Variants in ST8SIA2 observed in about 807,000 individuals in gnomAD.
ST8SIA2 encodes ST8 alpha-N-acetyl-neuraminide alpha-2,8-sialyltransferase 2, also known as alpha-2,8-sialyltransferase 8B.
Under a neutral mutation model 37.6 loss-of-function variants are expected in ST8SIA2, and 22 were observed. That is an observed-to-expected ratio of 0.58 (90% CI 0.42 to 0.83). ST8SIA2 has a LOEUF of 0.83. Ranked by LOEUF, ST8SIA2 falls within the 40% of genes least tolerant of loss-of-function variation. The pLI is 0.00. For missense variants in ST8SIA2, 382 were observed against 484.7 expected, an observed-to-expected ratio of 0.79 and a Z score of 1.99; for synonymous variants, 205 against 201.2, an observed-to-expected ratio of 1.02 and a Z score of -0.16.
intron 1 of ST8SIA2, among the ~76,000 whole-genome samples, chr15:92,404,166 A>G (rs907260677): frequency 2.6e-5 from 4 of 152,182 alleles, no homozygotes; most frequent in African/African-American, 7.2e-5. Context: ...GTTTATCTGT[A>G]AGGACTGACA....
At chr15:92,407,460 C>T (rs1278792853) in intron 1 of ST8SIA2, among the ~76,000 whole-genome samples, 1 of 152,218 alleles carries the variant, frequency 6.6e-6, no homozygotes, top group Admixed American at 6.5e-5. Context: ...CAGCAAAGCG[C>T]TCATCAGCTG....
At chr15:92,420,475 T>C (rs2049625067) in intron 1 of ST8SIA2, among the ~76,000 whole-genome samples, 1 of 152,126 alleles carries the variant, frequency 6.6e-6, no homozygotes, top group African/African-American at 2.4e-5. Flanking sequence ...TGGAACATAA[T>C]GAAAGCCCAA....
chr15:92,406,023 GT>G (rs1229306134), intron 1 of ST8SIA2, among the ~76,000 whole-genome samples: 2 of 152,204 alleles, frequency 1.3e-5, no homozygotes, highest in Non-Finnish European at 2.9e-5. Context: ...CCTCTAAACT[GT>G]TTCTGGCTCA....
chr15:92,430,409 T>A (rs1481525363), intron 2 of ST8SIA2, among the ~76,000 whole-genome samples: 4 of 152,222 alleles, frequency 2.6e-5, no homozygotes, highest in African/African-American at 7.2e-5. Flanking sequence ...CAAACTTGCA[T>A]GTTTGCTGAG....
chr15:92,455,603 A>G (rs1567224712), intron 5 of ST8SIA2, among the ~76,000 whole-genome samples: 1 of 152,020 alleles, frequency 6.6e-6, no homozygotes, highest in Non-Finnish European at 1.5e-5. Context: ...GACACACACC[A>G]CCTCATTCTC....
intron 1 of ST8SIA2, among the ~76,000 whole-genome samples, chr15:92,402,335 C>G (rs2049477767): frequency 6.6e-6 from 1 of 152,206 alleles, no homozygotes; most frequent in Non-Finnish European, 1.5e-5. Context: ...TAGCTGTATT[C>G]ACACCTGTAA....
chr15:92,432,957 C>G (rs890743000), intron 2 of ST8SIA2, among the ~76,000 whole-genome samples: 1 of 152,040 alleles, frequency 6.6e-6, no homozygotes, highest in African/African-American at 2.4e-5. Flanking sequence ...CGGGCGAAAC[C>G]CCATCTTTAC....
chr15:92,417,165 G>T (rs2049593062), intron 1 of ST8SIA2, among the ~76,000 whole-genome samples: 1 of 152,156 alleles, frequency 6.6e-6, no homozygotes, highest in Non-Finnish European at 1.5e-5. Flanking sequence ...ACTGAGAGAG[G>T]TCTAGGGCTG....
intron 4 of ST8SIA2, among the ~76,000 whole-genome samples, chr15:92,442,733 G>C (rs915193202): frequency 2.6e-5 from 4 of 152,200 alleles, no homozygotes; most frequent in Non-Finnish European, 5.9e-5. Flanking sequence ...AAGGTGAATT[G>C]ACCCAGGGCA....
At chr15:92,429,625 GGAC>G (rs1337073665) in intron 1 of ST8SIA2, among the ~76,000 whole-genome samples, 5 of 152,220 alleles carry the variant, frequency 3.3e-5, no homozygotes, top group Non-Finnish European at 7.3e-5. Flanking sequence ...AGAATGCAAT[GGAC>G]AACAGCTCAC....
At chr15:92,443,683 T>G (rs1280578926) in intron 4 of ST8SIA2, among the ~76,000 whole-genome samples, 1 of 152,026 alleles carries the variant, frequency 6.6e-6, no homozygotes, top group African/African-American at 2.4e-5. Flanking sequence ...CACAATATGC[T>G]CCAGTCGGAC....
chr15:92,397,199 GAAGA>G (rs898074073), intron 1 of ST8SIA2, among the ~76,000 whole-genome samples: 6 of 152,190 alleles, frequency 3.9e-5, no homozygotes, highest in African/African-American at 1.4e-4. Flanking sequence ...AAAAGTGAAA[GAAGA>G]AAGTGAATTA....
rs143205743 is a variant in ST8SIA2, at chr15:92,413,534, C to G, written c.99-16515C>G. Among the ~76,000 whole-genome samples the G allele has an allele frequency of 5.1e-3, 778 of 152,292 alleles. 8 individuals carry two copies. The highest frequency in any genetic ancestry group is 0.018 in the African/African-American group (729 of 41,560). ...GGAAGCCATGTCCCATTTCCCTCCT[C>G]CTCCCGGCCAGTGGGTGGGTAGTTT... On this transcript the variant is annotated intron_variant, in intron 1 of 5. Coordinates refer to ENST00000268164, the MANE Select transcript of ST8SIA2 (RefSeq NM_006011.4).
chr15:92,437,823 T>C (rs942421404), intron 3 of ST8SIA2, among the ~76,000 whole-genome samples: 8 of 152,188 alleles, frequency 5.3e-5, no homozygotes, highest in Admixed American at 5.2e-4. Flanking sequence ...TTTCAAAATC[T>C]AGGAAGTGTG....
intron 1 of ST8SIA2, among the ~76,000 whole-genome samples, chr15:92,427,533 A>G (rs562638142): frequency 6.6e-6 from 1 of 152,278 alleles, no homozygotes; most frequent in South Asian, 2.1e-4. Flanking sequence ...TATAAAGTTA[A>G]ATCTGTCGAC....
rs995874958 is a variant in ST8SIA2, at chr15:92,460,827, AAGG to A, written c.843-3268_843-3266del. On this transcript the variant is annotated intron_variant, in intron 5 of 5. Coordinates refer to ENST00000268164, the MANE Select transcript of ST8SIA2 (RefSeq NM_006011.4). Reference sequence around the variant, plus strand: ...AAGGACTTGGGGTCAGAAGGCCTGAAAGGAGGACCTGGCTCTTCCCCTTGCCAT... The same window carrying A: ...AAGGACTTGGGGTCAGAAGGCCTGAAAGGACCTGGCTCTTCCCCTTGCCAT... Among the ~76,000 whole-genome samples, 34 of 152,312 alleles carry A rather than the reference AAGG, an allele frequency of 2.2e-4. No individual in the cohort carries two copies. In the Middle Eastern group the frequency reaches 0.01, roughly 46 times the overall value.
chr15:92,436,771 T>C (rs1167718104), intron 3 of ST8SIA2, among the ~76,000 whole-genome samples: 1 of 152,192 alleles, frequency 6.6e-6, no homozygotes, highest in Non-Finnish European at 1.5e-5. Context: ...CCCTACATGA[T>C]AGCAAGAGAG....
chr15:92,461,758 GGA>G (rs914828881), intron 5 of ST8SIA2, among the ~76,000 whole-genome samples: 48 of 152,332 alleles, frequency 3.2e-4, no homozygotes, highest in African/African-American at 1.1e-3. Context: ...TGTGGAGCAG[GGA>G]GAGATTTCGG....
chr15:92,404,601 T>C (rs12442252), intron 1 of ST8SIA2, among the ~76,000 whole-genome samples: 85,646 of 149,244 alleles, frequency 0.57, 24,656 homozygotes, highest in Middle Eastern at 0.64. Flanking sequence ...GTGGGTGGAT[T>C]ACCTGAGGTC....
Sources: gnomAD v4.1 joint callset for allele counts (sites outside exome capture counted in the v4.1 genomes callset) on GRCh38, gnomAD v4.1.1 for gene constraint, MANE v1.5 for transcripts, NCBI Gene and HGNC (gene_info 2026-07-23, HGNC 2026-07-21) for gene names.